The following TP73 variants were observed in gnomAD, a reference collection of about 807,000 sequenced individuals.
TP73 encodes the protein tumor protein p73, also known as p53-like transcription factor.
TP73 carries 25 observed loss-of-function variants against 62.5 expected under a neutral mutation model. The observed-to-expected ratio is 0.40, with a 90% confidence interval of 0.29 to 0.56. The LOEUF (loss-of-function observed/expected upper bound fraction) is 0.56, where lower values mean the gene tolerates loss of function less well. Among genes scored for constraint, TP73 ranks in the 20% least tolerant of loss-of-function variants. The pLI, the probability that TP73 is intolerant of heterozygous loss-of-function variation, is 0.46. For missense variants in TP73, 754 were observed against 913.3 expected (o/e 0.83, Z 2.25); for synonymous variants, 423 against 377.5 (o/e 1.12, Z -1.40).
At chr1:3,658,785 T>C (rs1054844638) in intron 1 of TP73, among the ~76,000 whole-genome samples, 20 of 141,828 alleles carry the variant, frequency 1.4e-4, no homozygotes, top group South Asian at 2.3e-4. Context: ...TCTGGTCTCC[T>C]ACAGTCATAT....
At chr1:3,726,478 GA>G (rs1289113453) in intron 6 of TP73, among the ~76,000 whole-genome samples, 1 of 147,698 alleles carries the variant, frequency 6.8e-6, no homozygotes, top group East Asian at 2.1e-4. Context: ...GATTGATATT[GA>G]ATGGATGGGT....
In TP73 at chr1:3,693,770, A is replaced by ACAATCCCAGCCC. The variant is rs1459985902; in HGVS notation, c.186+10590_186+10591insCAATCCCAGCCC. Among the ~76,000 whole-genome samples, 363 of 43,460 alleles carry ACAATCCCAGCCC rather than the reference A, an allele frequency of 8.4e-3. 9 individuals carry two copies. Among genetic ancestry groups the ACAATCCCAGCCC allele is most frequent in the Non-Finnish European group, 0.011 (225 of 19,724 alleles). 28.5% of individuals were successfully genotyped at this position (43,460 alleles called of 152,430 possible). On this transcript the variant is annotated intron_variant, in intron 3 of 13. Transcript: ENST00000378295. ...AGCTCCTCCTCCCACAATCCCACCC[A>ACAATCCCAGCCC]TGCAGCCTCAGCCCCTCCTCCCGCA...
chr1:3,719,274 C>T (rs2124463991), intron 4 of TP73, among the ~76,000 whole-genome samples: 1 of 152,156 alleles, frequency 6.6e-6, no homozygotes, highest in South Asian at 2.1e-4. Context: ...AGCCAGGTGC[C>T]TGAATTCCAG....
chr1:3,682,406 C>T lies in TP73; in HGVS notation c.41C>T (p.Thr14Met), dbSNP rs540799371. 14 of 1,564,562 alleles carry T rather than the reference C, an allele frequency of 8.9e-6. No individual in the cohort carries two copies. The highest frequency in any genetic ancestry group is 3.5e-5 in the South Asian group (3 of 85,242). The change falls in exon 2 of 14, where the codon ACG (threonine) becomes ATG (methionine). Residue 14 changes from threonine to methionine, a missense_variant. By Grantham distance (81) the Thr-to-Met change is moderately conservative. Transcript: ENST00000378295. ...STATSPDGGT[T>M]FEHLWSSLEP... ...GCCACCTCCCCTGATGGGGGCACCA[C>T]GTTTGAGCACCTCTGGAGCTCTCTG...
At position 3,666,124 on chromosome 1, in the gene TP73, C is replaced by CA. The variant is rs59432695; in HGVS notation, c.-34+13510dup. On this transcript the variant is annotated intron_variant, in intron 1 of 13. Coordinates refer to ENST00000378295, the MANE Select transcript of TP73 (RefSeq NM_005427.4). The surrounding 1 kb of genome is among the most constrained non-coding windows in gnomAD (Gnocchi z 6.4). ...GGGCAACAAGAGCAAAACTCTGTCT[C>CA]AAAAAAAAAAAAAAAAAAAAAAAAA... is the stretch of plus-strand genomic sequence containing the variant. 0.18 allele frequency among the ~76,000 whole-genome samples: 7,442 copies of CA among 41,034 alleles called. 1,321 individuals are homozygous for CA. Among genetic ancestry groups the CA allele is most frequent in the Non-Finnish European group, 0.24 (5,404 of 22,106 alleles). The allele number at this position is 41,034 out of a possible 152,430, so 26.9% of individuals were successfully genotyped here.
intron 3 of TP73, among the ~76,000 whole-genome samples, chr1:3,687,858 C>A (rs1448013469): frequency 6.6e-6 from 1 of 152,166 alleles, no homozygotes; most frequent in African/African-American, 2.4e-5. Context: ...GCAGGCTGAT[C>A]TACCCTGGGA....
At chr1:3,687,745 C>T (rs548073232) in intron 3 of TP73, among the ~76,000 whole-genome samples, 10 of 152,284 alleles carry the variant, frequency 6.6e-5, no homozygotes, top group Admixed American at 2.0e-4. Flanking sequence ...AGGGCTGGCC[C>T]CTCCCCTGTG....
At chr1:3,675,467 C>T (rs561645859) in intron 1 of TP73, among the ~76,000 whole-genome samples, 2 of 152,250 alleles carry the variant, frequency 1.3e-5, no homozygotes, top group East Asian at 3.9e-4. Flanking sequence ...AGGGGTGGCC[C>T]GGGGCGGGTG....
At position 3,732,963 on chromosome 1, in the gene TP73, C is replaced by CGCGGCGGCCCAG; in HGVS notation, c.1806_1817dup (p.Gly603_Pro606dup). 6 of 1,605,756 alleles carry CGCGGCGGCCCAG rather than the reference C, an allele frequency of 3.7e-6. No homozygotes were observed. Among genetic ancestry groups the CGCGGCGGCCCAG allele is most frequent in the East Asian group, 2.2e-5 (1 of 44,608 alleles). On this transcript the variant is annotated inframe_insertion, in exon 14 of 14. Coordinates refer to ENST00000378295, the MANE Select transcript of TP73 (RefSeq NM_005427.4). ...GCGCCACACCATCACCATCCCCAAC[C>CGCGGCGGCCCAG]GCGGCGGCCCAGGCGGCGGCCCTGA...
At chr1:3,710,845 A>G (rs913849332) in intron 4 of TP73, among the ~76,000 whole-genome samples, 1 of 152,182 alleles carries the variant, frequency 6.6e-6, no homozygotes, top group African/African-American at 2.4e-5. Flanking sequence ...ATGCGTGTAC[A>G]TGCACAGGCC....
intron 4 of TP73, chr1:3,708,025 C>G: frequency 1.5e-6 from 1 of 646,068 alleles, no homozygotes. Flanking sequence ...TCCAAAGGGC[C>G]ACAGAGGGGA....
rs375058524 is a variant in TP73 at position 3,656,100 on chromosome 1, C to T, written c.-34+3459C>T. On this transcript the variant is annotated intron_variant, in intron 1 of 13. Transcript: ENST00000378295. ...CTGAGGCAGGAGAATGGCGTGAACC[C>T]GGAAGGCGGAGCTTGCAGTGAGCTG... 5.9e-5 allele frequency among the ~76,000 whole-genome samples: 9 copies of T among 151,380 alleles called. No homozygotes were observed. The East Asian group carries it at 7.8e-4, about 13-fold the overall frequency.
chr1:3,697,211 A>T (rs1638745988), intron 3 of TP73, among the ~76,000 whole-genome samples: 1 of 150,082 alleles, frequency 6.7e-6, no homozygotes, highest in Non-Finnish European at 1.5e-5. Context: ...CACTGCTCAG[A>T]TACATCTCAC....
intron 1 of TP73, among the ~76,000 whole-genome samples, chr1:3,652,940 C>T (rs994807185): frequency 3.3e-5 from 5 of 152,202 alleles, no homozygotes; most frequent in Non-Finnish European, 5.9e-5. Context: ...GAGGGCCCTC[C>T]TCCTGCTGTC....
intron 3 of TP73, among the ~76,000 whole-genome samples, chr1:3,683,673 G>A (rs1383527678): frequency 6.6e-6 from 1 of 152,204 alleles, no homozygotes; most frequent in Non-Finnish European, 1.5e-5. Flanking sequence ...GGCTCCACCA[G>A]CATGCCCTAT....
chr1:3,715,285 C>G (rs1314449429), intron 4 of TP73, among the ~76,000 whole-genome samples: 1 of 152,172 alleles, frequency 6.6e-6, no homozygotes, highest in Non-Finnish European at 1.5e-5. Flanking sequence ...CTTTCTGGAA[C>G]CCGGGGTGAC....
chr1:3,730,217 A>T, intron 11 of TP73, 69 bp downstream of exon 11: 2 of 1,416,446 alleles, frequency 1.4e-6, no homozygotes, highest in Non-Finnish European at 1.9e-6. Flanking sequence ...CTAGCTCAGG[A>T]CACACCACCC....
At chr1:3,703,512 A>T (rs1238786130) in intron 3 of TP73, among the ~76,000 whole-genome samples, 1 of 152,158 alleles carries the variant, frequency 6.6e-6, no homozygotes, top group Non-Finnish European at 1.5e-5. Flanking sequence ...CGCCTGCCGC[A>T]AGGGCCTGGC....
At chr1:3,673,457 C>T (rs1168062975) in intron 1 of TP73, among the ~76,000 whole-genome samples, 2 of 152,224 alleles carry the variant, frequency 1.3e-5, no homozygotes, top group South Asian at 2.1e-4. Flanking sequence ...GGAGTGCTTT[C>T]GCTTTTGATA....
Sources: allele counts gnomAD v4.1 joint callset (sites outside exome capture counted in the v4.1 genomes callset), GRCh38; gene constraint gnomAD v4.1.1; non-coding constraint Gnocchi (gnomAD v3.1); transcripts MANE v1.5; gene names NCBI Gene and HGNC (gene_info 2026-07-23, HGNC 2026-07-21).